The following CEP128 variants were observed in gnomAD, a reference collection of about 807,000 sequenced individuals.
CEP128 encodes centrosomal protein 128.
CEP128 carries 132 observed loss-of-function variants against 156.7 expected under a neutral mutation model. That is an observed-to-expected ratio of 0.84 (90% CI 0.73 to 0.97). The LOEUF (loss-of-function observed/expected upper bound fraction) is 0.97. Ranked by LOEUF, CEP128 falls within the 50% of genes least tolerant of loss-of-function variation. The pLI is 0.00. For synonymous variants in CEP128, 469 were observed against 448.9 expected, an observed-to-expected ratio of 1.04 and a Z score of -0.57; for missense variants, 1,252 against 1,281.9, an observed-to-expected ratio of 0.98 and a Z score of 0.36.
intron 9 of CEP128, among the ~76,000 whole-genome samples, chr14:80,861,913 G>A (rs1887532556): frequency 6.6e-6 from 1 of 152,006 alleles, no homozygotes; most frequent in South Asian, 2.1e-4. Flanking sequence ...TATCATGTCT[G>A]CAAATTAAAA....
At chr14:80,731,564 C>G (rs1281001586) in intron 19 of CEP128, among the ~76,000 whole-genome samples, 1 of 151,944 alleles carries the variant, frequency 6.6e-6, no homozygotes, top group Non-Finnish European at 1.5e-5. Context: ...TGTGATGTAA[C>G]TAAAAAATTA....
chr14:80,575,896 T>C (rs896930856), intron 20 of CEP128, among the ~76,000 whole-genome samples: 1 of 152,176 alleles, frequency 6.6e-6, no homozygotes, highest in Non-Finnish European at 1.5e-5. Flanking sequence ...TGAAGAGAGA[T>C]GACTGGAAGT....
intron 19 of CEP128, among the ~76,000 whole-genome samples, chr14:80,582,523 G>A (rs1217053805): frequency 1.3e-5 from 2 of 151,956 alleles, no homozygotes; most frequent in African/African-American, 4.8e-5. Flanking sequence ...TTCCACTCAA[G>A]ATGAAACTTC....
chr14:80,646,295 G>A (rs1026614343), intron 19 of CEP128, among the ~76,000 whole-genome samples: 1 of 152,002 alleles, frequency 6.6e-6, no homozygotes, highest in African/African-American at 2.4e-5. Context: ...TTGTGTGAAG[G>A]GAACTCTCTG....
At chr14:80,933,249 C>T (rs1447447157) in intron 2 of CEP128, among the ~76,000 whole-genome samples, 2 of 152,166 alleles carry the variant, frequency 1.3e-5, no homozygotes. Flanking sequence ...TCCTCTCCTT[C>T]CCCAGCAACT....
chr14:80,721,877 T>G (rs1035680547), intron 19 of CEP128, among the ~76,000 whole-genome samples: 1 of 152,210 alleles, frequency 6.6e-6, no homozygotes, highest in Non-Finnish European at 1.5e-5. Context: ...ATTAGGCAAG[T>G]GTTTAAGTTA....
At chr14:80,784,797 G>A (rs1901308247) in intron 15 of CEP128, 98 bp downstream of exon 15, 4 of 1,032,034 alleles carry the variant, frequency 3.9e-6, no homozygotes, top group South Asian at 3.2e-5. Flanking sequence ...TTCAGTGCTT[G>A]GGAATACAGA....
intron 19 of CEP128, among the ~76,000 whole-genome samples, chr14:80,673,419 G>A (rs998789532): frequency 3.3e-5 from 5 of 151,330 alleles, no homozygotes; most frequent in Admixed American, 6.6e-5. Context: ...CGAGGCGGGC[G>A]GATCACGAGG....
At chr14:80,557,325 T>A (rs1890477895) in intron 21 of CEP128, among the ~76,000 whole-genome samples, 1 of 152,218 alleles carries the variant, frequency 6.6e-6, no homozygotes, top group Non-Finnish European at 1.5e-5. Flanking sequence ...TGTTTGGTCC[T>A]AAATATTTTC....
At chr14:80,544,242 T>C (rs936406190) in intron 21 of CEP128, among the ~76,000 whole-genome samples, 7 of 152,176 alleles carry the variant, frequency 4.6e-5, no homozygotes, top group African/African-American at 1.7e-4. Context: ...TCCCATTAAA[T>C]TGAAAACTCT....
intron 19 of CEP128, among the ~76,000 whole-genome samples, chr14:80,723,491 T>C (rs190001692): frequency 4.6e-5 from 7 of 152,318 alleles, no homozygotes; most frequent in Non-Finnish European, 8.8e-5. Flanking sequence ...TGTAGTACCC[T>C]TTTCAAAATG....
At chr14:80,680,677 T>G (rs774657333) in intron 19 of CEP128, among the ~76,000 whole-genome samples, 19 of 152,150 alleles carry the variant, frequency 1.2e-4, no homozygotes, top group Non-Finnish European at 2.5e-4. Context: ...ATCTGAAGGA[T>G]GTACTCTCCT....
intron 23 of CEP128, among the ~76,000 whole-genome samples, chr14:80,513,410 C>T (rs1888347158): frequency 6.6e-6 from 1 of 152,042 alleles, no homozygotes; most frequent in Admixed American, 6.6e-5. Context: ...TTTCCTAATA[C>T]TTGACCTTTG....
chr14:80,512,481 G>T (rs938245978), intron 23 of CEP128, among the ~76,000 whole-genome samples: 3 of 151,962 alleles, frequency 2.0e-5, no homozygotes, highest in African/African-American at 7.2e-5. Context: ...CTTTATAGGT[G>T]AAGTGTGTTT....
intron 13 of CEP128, among the ~76,000 whole-genome samples, chr14:80,813,005 T>C (rs900405371): frequency 3.9e-5 from 6 of 152,248 alleles, no homozygotes; most frequent in African/African-American, 1.2e-4. Context: ...TTGTTGGCCA[T>C]GTGCATGTCT....
intron 19 of CEP128, among the ~76,000 whole-genome samples, chr14:80,705,419 G>C (rs1897209162): frequency 2.0e-5 from 3 of 152,064 alleles, no homozygotes; most frequent in Non-Finnish European, 2.9e-5. Flanking sequence ...TCATATACAG[G>C]TTCAGTTTTG....
At chr14:80,798,464 A>G (rs1460899471) in intron 13 of CEP128, among the ~76,000 whole-genome samples, 1 of 152,218 alleles carries the variant, frequency 6.6e-6, no homozygotes, top group Non-Finnish European at 1.5e-5. Context: ...CAACACATAT[A>G]AAGTGTTATC....
At chr14:80,722,608 T>C (rs962252838) in intron 19 of CEP128, among the ~76,000 whole-genome samples, 66 of 151,852 alleles carry the variant, frequency 4.3e-4, no homozygotes, top group African/African-American at 1.5e-3. Context: ...AAAATGTTTA[T>C]TGAAGCATTT....
At chr14:80,735,579 C>A (rs1479176272) in intron 19 of CEP128, among the ~76,000 whole-genome samples, 1 of 152,140 alleles carries the variant, frequency 6.6e-6, no homozygotes, top group South Asian at 2.1e-4. Flanking sequence ...TTACAGATCT[C>A]TAATTTCATT....
Sources: gnomAD v4.1 joint callset for allele counts (sites outside exome capture counted in the v4.1 genomes callset) on GRCh38, gnomAD v4.1.1 for gene constraint, MANE v1.5 for transcripts, NCBI Gene and HGNC (gene_info 2026-07-23, HGNC 2026-07-21) for gene names.